Variants in ASB4 observed in about 807,000 individuals in gnomAD.
ASB4 encodes the protein ankyrin repeat and SOCS box containing 4.
ASB4 carries 35 observed loss-of-function variants against 38.6 expected under a neutral mutation model. The ratio of observed to expected loss-of-function variants is 0.91; its 90% CI spans 0.69 to 1.20. The LOEUF is 1.20. Ranked by LOEUF, ASB4 falls within the 50% of genes most tolerant of loss-of-function variation. The pLI is 0.00. For synonymous variants in ASB4, 195 were observed against 201.3 expected (o/e 0.97, Z 0.26); for missense variants, 557 against 527.2 (o/e 1.06, Z -0.55).
At chr7:95,504,932 G>A (rs1048139859) in intron 2 of ASB4, among the ~76,000 whole-genome samples, 6 of 152,148 alleles carry the variant, frequency 3.9e-5, no homozygotes, top group South Asian at 2.1e-4. Context: ...CTCCAGTCCC[G>A]TAAAGCATGT....
chr7:95,502,438 T>C (rs1447334515), intron 2 of ASB4, among the ~76,000 whole-genome samples: 1 of 152,054 alleles, frequency 6.6e-6, no homozygotes, highest in Non-Finnish European at 1.5e-5. Flanking sequence ...TAAAACTTTC[T>C]TGTAACTTAG....
Position 95,537,761 on chromosome 7 carries a change from C to T in ASB4, c.*2C>T. On this transcript the variant is annotated 3_prime_UTR_variant, in exon 5 of 5. Coordinates refer to ENST00000325885, the MANE Select transcript of ASB4 (RefSeq NM_016116.3). ...GAGCCAGAGGGAATTATTTATTAAG[C>T]CTTATGAGACAGCAGTTCCCAATCC... 1 of 1,611,518 alleles carries T rather than the reference C, an allele frequency of 6.2e-7. No individual in the cohort carries two copies. The highest frequency in any genetic ancestry group is 8.5e-7 in the Non-Finnish European group (1 of 1,178,314).
intron 2 of ASB4, among the ~76,000 whole-genome samples, chr7:95,499,732 T>G (rs1463257622): frequency 2.0e-5 from 3 of 151,700 alleles, no homozygotes; most frequent in Non-Finnish European, 2.9e-5. Flanking sequence ...CAGTTGGAGA[T>G]CAAAGAAAAA....
chr7:95,542,152 A>C (rs1790979332), downstream of ASB4: 1 of 151,452 alleles, frequency 6.6e-6, no homozygotes, highest in South Asian at 2.1e-4. Context: ...TGTGGGAAGA[A>C]GAAGAGGAGT....
downstream of ASB4, chr7:95,544,139 T>G (rs956093337): frequency 6.6e-6 from 1 of 152,166 alleles, no homozygotes; most frequent in African/African-American, 2.4e-5. Context: ...GATGATAGCC[T>G]TACTTTTTCT....
the ASB4 span, chr7:95,472,107 T>C: frequency 1.3e-5 from 2 of 152,176 alleles, no homozygotes; most frequent in African/African-American, 4.8e-5. Flanking sequence ...ACAATATCAA[T>C]AATGACACTA....
chr7:95,528,387 T>G (rs1244565830), intron 3 of ASB4, 84 bp downstream of exon 3: 5 of 1,592,604 alleles, frequency 3.1e-6, no homozygotes, highest in Non-Finnish European at 4.3e-6. Context: ...TCAAGCTTGC[T>G]TGAGGCTTGA....
At chr7:95,485,002 ATG>A (rs368957943), upstream of ASB4, among the ~76,000 whole-genome samples, 1 of 139,344 alleles carries the variant, frequency 7.2e-6, no homozygotes, top group Non-Finnish European at 1.6e-5. Flanking sequence ...ATATGTATAT[ATG>A]TGTGTGTATA....
chr7:95,474,645 G>A (rs923922181), upstream of ASB4, among the ~76,000 whole-genome samples: 3 of 151,906 alleles, frequency 2.0e-5, no homozygotes, highest in Non-Finnish European at 2.9e-5. Flanking sequence ...CCTCAGCCTC[G>A]TGAGTAGCTG....
intron 2 of ASB4, among the ~76,000 whole-genome samples, chr7:95,518,787 G>C (rs1268866526): frequency 2.6e-5 from 4 of 152,196 alleles, no homozygotes; most frequent in Non-Finnish European, 5.9e-5. Context: ...AGAAGGTTTA[G>C]AATTGTAAGT....
upstream of ASB4, among the ~76,000 whole-genome samples, chr7:95,476,545 AG>A (rs1322251216): frequency 1.3e-5 from 2 of 152,234 alleles, no homozygotes; most frequent in Non-Finnish European, 2.9e-5. Flanking sequence ...ACACTAGAAA[AG>A]ACCAGGGCTG....
intron 2 of ASB4, among the ~76,000 whole-genome samples, chr7:95,502,398 G>T (rs1041580201): frequency 6.6e-6 from 1 of 150,584 alleles, no homozygotes; most frequent in African/African-American, 2.4e-5. Flanking sequence ...CTGCGGGGGG[G>T]GGGCAAATTG....
At chr7:95,472,731 A>C in the ASB4 span, among the ~76,000 whole-genome samples, 2 of 152,188 alleles carry the variant, frequency 1.3e-5, no homozygotes, top group East Asian at 3.8e-4. Context: ...TCTTTGCAGT[A>C]TGATAAAACG....
At chr7:95,541,119 G>C (rs969353121), downstream of ASB4, among the ~76,000 whole-genome samples, 1 of 152,100 alleles carries the variant, frequency 6.6e-6, no homozygotes, top group African/African-American at 2.4e-5. Flanking sequence ...TTACAGTTAG[G>C]TGTTTGGAGG....
intron 2 of ASB4, among the ~76,000 whole-genome samples, chr7:95,507,969 G>T (rs1790433118): frequency 6.6e-6 from 1 of 152,170 alleles, no homozygotes; most frequent in South Asian, 2.1e-4. Context: ...GAACTAAAAA[G>T]GAGGGTGTCT....
At chr7:95,510,197 T>A (rs1317470746) in intron 2 of ASB4, among the ~76,000 whole-genome samples, 1 of 152,192 alleles carries the variant, frequency 6.6e-6, no homozygotes, top group Non-Finnish European at 1.5e-5. Flanking sequence ...AAACTGTCGA[T>A]GTTTCTTCCG....
At position 95,528,072 on chromosome 7, in the gene ASB4, T is replaced by C. The variant is rs1286348787; in HGVS notation, c.747T>C (p.Asp249=). ...LDYKAEVNAR[D]DDFKSPLHKA... ...ACAAAGCCGAAGTCAATGCCCGAGA[T>C]GACGACTTTAAATCTCCCCTCCACA... The change falls in exon 3 of 5, where the codon GAT becomes GAC. Residue 249 remains aspartate, a synonymous_variant. Coordinates refer to ENST00000325885, the MANE Select transcript of ASB4 (RefSeq NM_016116.3). 1 of 1,614,190 alleles carries C rather than the reference T, an allele frequency of 6.2e-7. No individual in the cohort carries two copies. The highest frequency in any genetic ancestry group is 2.2e-5 in the East Asian group (1 of 44,860).
At chr7:95,497,054 A>G (rs576968123) in intron 2 of ASB4, among the ~76,000 whole-genome samples, 7 of 152,212 alleles carry the variant, frequency 4.6e-5, no homozygotes, top group South Asian at 2.1e-4. Flanking sequence ...GGTGGGAAGG[A>G]CAAGAGGGTA....
At chr7:95,498,044 G>A (rs1790276541) in intron 2 of ASB4, among the ~76,000 whole-genome samples, 1 of 152,172 alleles carries the variant, frequency 6.6e-6, no homozygotes. Flanking sequence ...AAATACCTAG[G>A]AGTGGGATGA....
Sources: allele counts gnomAD v4.1 joint callset (sites outside exome capture counted in the v4.1 genomes callset), GRCh38; gene constraint gnomAD v4.1.1; transcripts MANE v1.5; gene names NCBI Gene and HGNC (gene_info 2026-07-23, HGNC 2026-07-21).